MEGF11: variants seen among roughly 807,000 people sequenced by gnomAD.
MEGF11 encodes multiple epidermal growth factor-like domains protein 11.
MEGF11 carries 126 observed loss-of-function variants against 146.6 expected under a neutral mutation model. The ratio of observed to expected loss-of-function variants is 0.86; its 90% confidence interval spans 0.74 to 1.00. The LOEUF (loss-of-function observed/expected upper bound fraction) is 1.00. Among genes scored for constraint, MEGF11 ranks in the 50% least tolerant of loss-of-function variants. MEGF11 has a pLI of 0.00. For missense variants in MEGF11, 1,509 were observed against 1,521.2 expected (o/e 0.99, Z 0.13); for synonymous variants, 532 against 583.4 (o/e 0.91, Z 1.27).
chr15:65,954,050 TAGC>T (rs2080493520), intron 10 of MEGF11, among the ~76,000 whole-genome samples: 1 of 151,958 alleles, frequency 6.6e-6, no homozygotes, highest in Non-Finnish European at 1.5e-5. Context: ...TCACATCCAA[TAGC>T]AGGCAAAACT....
At chr15:66,048,188 T>C (rs1015157556) in intron 5 of MEGF11, among the ~76,000 whole-genome samples, 8 of 152,116 alleles carry the variant, frequency 5.3e-5, no homozygotes, top group African/African-American at 1.9e-4. Flanking sequence ...CCAAGTGATC[T>C]GCCCGCCTTG....
intron 1 of MEGF11, among the ~76,000 whole-genome samples, chr15:66,227,623 C>A (rs79669512): frequency 0.012 from 1,797 of 152,282 alleles, 21 homozygotes; most frequent in South Asian, 0.071. Context: ...TTGAGCTTCA[C>A]CCAGCTTCTC....
chr15:65,998,534 T>C (rs1050846040), intron 5 of MEGF11, among the ~76,000 whole-genome samples: 1 of 152,134 alleles, frequency 6.6e-6, no homozygotes, highest in Admixed American at 6.5e-5. Context: ...CTAAATATAG[T>C]TCCCCTCATT....
intron 1 of MEGF11, among the ~76,000 whole-genome samples, chr15:66,179,951 TACCAAG>T (rs1253225877): frequency 6.6e-6 from 1 of 152,190 alleles, no homozygotes; most frequent in East Asian, 1.9e-4. Flanking sequence ...GGCAAGGGTT[TACCAAG>T]CCCTCGATAG....
At chr15:66,196,169 A>T (rs1270755036) in intron 1 of MEGF11, among the ~76,000 whole-genome samples, 1 of 152,146 alleles carries the variant, frequency 6.6e-6, no homozygotes, top group African/African-American at 2.4e-5. Context: ...TACATGGTGC[A>T]GGCCCATATT....
chr15:66,056,810 C>T (rs969730326), intron 5 of MEGF11, among the ~76,000 whole-genome samples: 1 of 152,148 alleles, frequency 6.6e-6, no homozygotes, highest in Non-Finnish European at 1.5e-5. Flanking sequence ...AAACTGACAG[C>T]GTCGGATTCA....
chr15:65,923,028 T>A, intron 13 of MEGF11, 59 bp from the exon 14 acceptor site: 1 of 1,570,266 alleles, frequency 6.4e-7, no homozygotes, highest in Non-Finnish European at 8.6e-7. Context: ...AAGGGAAGAA[T>A]GGAGGGAAGG....
chr15:65,984,860 C>T (rs1056284527), intron 5 of MEGF11, among the ~76,000 whole-genome samples: 10 of 149,412 alleles, frequency 6.7e-5, no homozygotes, highest in African/African-American at 2.5e-4. Flanking sequence ...CCTCTGTCTC[C>T]CGGGTTCAAG....
At position 66,148,884 on chromosome 15, in the gene MEGF11, C is replaced by G. The variant is rs76220930; in HGVS notation, c.-8-20473G>C. The stretch of plus-strand genomic sequence containing the variant: ...ACCACTTCACTCCCCTAGGGTCCCC[C>G]AAATGGCTGATTCCTGGACATGGCT... On this transcript the variant is annotated intron_variant, in intron 1 of 25. Coordinates refer to ENST00000395614, the MANE Select transcript of MEGF11 (RefSeq NM_001385028.1). Among the ~76,000 whole-genome samples, 1,148 of 152,356 alleles carry G rather than the reference C, an allele frequency of 7.5e-3. 8 individuals carry two copies. Among genetic ancestry groups the G allele is most frequent in the African/African-American group, 0.026 (1,087 of 41,574 alleles).
intron 21 of MEGF11, 39 bp downstream of exon 21, chr15:65,912,043 G>A (rs1055262829): frequency 2.7e-6 from 3 of 1,118,734 alleles, no homozygotes; most frequent in African/African-American, 1.6e-5. Context: ...TTAAATGAGA[G>A]GGCAGTGAGT....
intron 10 of MEGF11, among the ~76,000 whole-genome samples, chr15:65,946,455 G>T (rs1253153431): frequency 6.6e-6 from 1 of 152,194 alleles, no homozygotes; most frequent in African/African-American, 2.4e-5. Context: ...ACCCAGGCTG[G>T]AGTACAGTGG....
At chr15:66,054,012 C>T (rs28469048) in intron 5 of MEGF11, among the ~76,000 whole-genome samples, 2,847 of 152,052 alleles carry the variant, frequency 0.019, 96 homozygotes, top group African/African-American at 0.064. Flanking sequence ...TTTGAGCCAC[C>T]ATGCCCGGCC....
chr15:65,979,385 G>C (rs2081557113), intron 7 of MEGF11, among the ~76,000 whole-genome samples: 1 of 152,206 alleles, frequency 6.6e-6, no homozygotes, highest in Non-Finnish European at 1.5e-5. Context: ...GACTGTGCCT[G>C]CATCGATGGG....
At chr15:65,971,138 A>C (rs954967788) in intron 7 of MEGF11, 1 of 164,928 alleles carries the variant, frequency 6.1e-6, no homozygotes, top group East Asian at 1.8e-4. Context: ...CTGACATGAG[A>C]GTCAAAGGGG....
intron 1 of MEGF11, among the ~76,000 whole-genome samples, chr15:66,160,068 C>T (rs1471105439): frequency 6.6e-6 from 1 of 152,160 alleles, no homozygotes; most frequent in East Asian, 1.9e-4. Context: ...GATGGAGACC[C>T]TTTCACCCCA....
intron 5 of MEGF11, among the ~76,000 whole-genome samples, chr15:66,073,130 C>T (rs2085435334): frequency 3.3e-5 from 5 of 152,196 alleles, no homozygotes; most frequent in Non-Finnish European, 7.3e-5. Context: ...ACAGACACTT[C>T]CTGTGCAGTG....
chr15:65,982,234 T>C lies in MEGF11; in HGVS notation c.641+8A>G, dbSNP rs765447292. On this transcript the variant is annotated splice_region_variant and intron_variant, in intron 6 of 25. Coordinates refer to ENST00000395614, the MANE Select transcript of MEGF11 (RefSeq NM_001385028.1). This position sits in a 1 kb window ranked among gnomAD's most constrained non-coding sequence, Gnocchi z 5.6. Reference sequence around the variant, plus strand: ...TCCCGCCCCTCCAGGTCCTGCCGCATGACTCACTAGACGCCGGTGTAGCCA... The same window carrying C: ...TCCCGCCCCTCCAGGTCCTGCCGCACGACTCACTAGACGCCGGTGTAGCCA... 1 of 1,315,766 alleles carries C rather than the reference T, an allele frequency of 7.6e-7. No homozygotes were observed. Among genetic ancestry groups the C allele is most frequent in the Non-Finnish European group, 1.0e-6 (1 of 1,004,236 alleles). The allele number at this position is 1,315,766 out of a possible 1,614,324, so 81.5% of individuals were successfully genotyped here. A position where few individuals can be genotyped will look rare whatever the true frequency, so the allele number is the denominator to read the frequency against.
intron 1 of MEGF11, among the ~76,000 whole-genome samples, chr15:66,169,980 G>T (rs1158068861): frequency 6.6e-6 from 1 of 151,560 alleles, no homozygotes; most frequent in Non-Finnish European, 1.5e-5. Context: ...TTATTTTGGG[G>T]TGTCAGATGT....
chr15:66,021,211 T>G (rs535428671), intron 5 of MEGF11, among the ~76,000 whole-genome samples: 1 of 152,140 alleles, frequency 6.6e-6, no homozygotes, highest in Admixed American at 6.5e-5. Context: ...TCCTTGATAT[T>G]GTCATAAGTC....
Sources: gnomAD v4.1 joint callset for allele counts (sites outside exome capture counted in the v4.1 genomes callset) on GRCh38, gnomAD v4.1.1 for gene constraint, Gnocchi (gnomAD v3.1) non-coding constraint, MANE v1.5 for transcripts, NCBI Gene and HGNC (gene_info 2026-07-23, HGNC 2026-07-21) for gene names.